Variants in BFAR observed in about 807,000 individuals in gnomAD.
The protein encoded by BFAR is RING finger protein 47.
A neutral mutation model predicts 54.4 loss-of-function variants in BFAR; 52 were observed. The ratio of observed to expected loss-of-function variants is 0.96; its 90% CI spans 0.77 to 1.21. The LOEUF is 1.21. Among genes scored for constraint, BFAR ranks in the 50% most tolerant of loss-of-function variants. The pLI is 0.00. For missense variants in BFAR, 571 were observed against 534.0 expected (o/e 1.07, Z -0.68); for synonymous variants, 215 against 204.3 (o/e 1.05, Z -0.45).
intron 4 of BFAR, among the ~76,000 whole-genome samples, chr16:14,653,416 C>T (rs1358508558): frequency 1.3e-5 from 2 of 152,134 alleles, no homozygotes; most frequent in Non-Finnish European, 2.9e-5. Flanking sequence ...CAACCTTCAC[C>T]TCCTGGGTTC....
chr16:14,647,155 G>A (rs1358098817), intron 2 of BFAR, among the ~76,000 whole-genome samples: 3 of 151,904 alleles, frequency 2.0e-5, no homozygotes, highest in Non-Finnish European at 2.9e-5. Flanking sequence ...TGCGATCTCA[G>A]CTCACTGCAA....
chr16:14,635,199 G>C (rs1004230382), intron 1 of BFAR, among the ~76,000 whole-genome samples: 2 of 152,184 alleles, frequency 1.3e-5, no homozygotes, highest in African/African-American at 4.8e-5. Context: ...GCTGGGCATG[G>C]TGGTGGACGC....
intron 6 of BFAR, among the ~76,000 whole-genome samples, chr16:14,662,403 A>G (rs1455420466): frequency 1.3e-5 from 2 of 152,180 alleles, no homozygotes; most frequent in Non-Finnish European, 2.9e-5. Flanking sequence ...TCAGCCTTGA[A>G]TATAGTCTGA....
intron 3 of BFAR, among the ~76,000 whole-genome samples, chr16:14,648,895 C>G (rs1484637709): frequency 6.6e-6 from 1 of 151,912 alleles, no homozygotes; most frequent in African/African-American, 2.4e-5. Context: ...GACTCTTGCT[C>G]TGTCGCCCAG....
At position 14,668,002 on chromosome 16, in the gene BFAR, G is replaced by A. The variant is rs1043075326; in HGVS notation, c.*175G>A. 1.1e-5 allele frequency: 7 copies of A among 653,810 alleles called. No individual in the cohort carries two copies. Among genetic ancestry groups the A allele is most frequent in the African/African-American group, 3.6e-5 (2 of 54,880 alleles). 40.5% of individuals were successfully genotyped at this position (653,810 alleles called of 1,614,324 possible). A position where few individuals can be genotyped will look rare whatever the true frequency, so the allele number is the denominator to read the frequency against. Reference sequence around the variant, plus strand: ...CTCCCCCTCAGCCTGTGGGTGGCACGAGCAAGGACTGACATCCGCACAGGG... The same window carrying A: ...CTCCCCCTCAGCCTGTGGGTGGCACAAGCAAGGACTGACATCCGCACAGGG... On this transcript the variant is annotated 3_prime_UTR_variant, in exon 8 of 8. Coordinates refer to ENST00000261658, the MANE Select transcript of BFAR (RefSeq NM_016561.3).
chr16:14,640,769 A>G (rs959617028), intron 1 of BFAR, among the ~76,000 whole-genome samples: 1 of 152,190 alleles, frequency 6.6e-6, no homozygotes, highest in Non-Finnish European at 1.5e-5. Flanking sequence ...ATCCCAGTAG[A>G]TCAGCAGTAG....
intron 7 of BFAR, among the ~76,000 whole-genome samples, chr16:14,666,911 T>C (rs1232342347): frequency 6.6e-6 from 1 of 152,116 alleles, no homozygotes; most frequent in Non-Finnish European, 1.5e-5. Flanking sequence ...AAAGAAAATA[T>C]GTACGTTAAA....
Position 14,664,962 on chromosome 16 carries a change from T to C in BFAR, c.1051T>C (p.Trp351Arg), listed in dbSNP as rs754974880. ...YQLIAEFAWD[W>R]LEVHYWTSRF... ...GCTGATTGCTGAGTTTGCTTGGGAC[T>C]GGTTGGAGGTCCATTACTGGACATC... is the stretch of plus-strand genomic sequence containing the variant. Residue 351 changes from tryptophan (W) to arginine (R), a missense_variant, in exon 7 of 8, where the codon TGG becomes CGG. Coordinates refer to ENST00000261658, the MANE Select transcript of BFAR (RefSeq NM_016561.3). 6.2e-7 allele frequency: 1 copy of C among 1,613,844 alleles called. No individual in the cohort carries two copies. The highest frequency in any genetic ancestry group is 2.2e-5 in the East Asian group (1 of 44,888).
At chr16:14,659,577 G>A (rs1457902048) in intron 5 of BFAR, among the ~76,000 whole-genome samples, 1 of 141,412 alleles carries the variant, frequency 7.1e-6, no homozygotes, top group African/African-American at 2.7e-5. Flanking sequence ...TTGAGATGGA[G>A]TCTCACTCTG....
At chr16:14,662,127 T>C (rs562286271) in intron 6 of BFAR, 62 bp downstream of exon 6, 10 of 1,576,246 alleles carry the variant, frequency 6.3e-6, no homozygotes, top group Non-Finnish European at 8.7e-6. Context: ...CAGAGATTGC[T>C]ACCCACCATG....
intron 2 of BFAR, among the ~76,000 whole-genome samples, chr16:14,646,447 C>T (rs2151838120): frequency 6.6e-6 from 1 of 152,288 alleles, no homozygotes; most frequent in Admixed American, 6.5e-5. Flanking sequence ...CTTGGCCTCC[C>T]AAAGTGCTGG....
intron 4 of BFAR, among the ~76,000 whole-genome samples, chr16:14,652,599 T>A (rs965168218): frequency 6.6e-6 from 1 of 152,018 alleles, no homozygotes; most frequent in Non-Finnish European, 1.5e-5. Context: ...TTTTTATTTT[T>A]AAAAAAATAA....
chr16:14,641,730 G>A (rs937390566), intron 1 of BFAR, among the ~76,000 whole-genome samples: 2 of 151,888 alleles, frequency 1.3e-5, no homozygotes, highest in African/African-American at 4.8e-5. Context: ...ATGTGGTGGT[G>A]CCTGCCTGTA....
chr16:14,644,307 G>A lies in BFAR; in HGVS notation c.-40G>A. 6.3e-7 allele frequency: 1 copy of A among 1,577,776 alleles called. No homozygotes were observed. Among genetic ancestry groups the A allele is most frequent in the South Asian group, 1.2e-5 (1 of 86,744 alleles). Reference sequence around the variant, plus strand: ...TGTTTTGCAGCAGTTTTCTACGTCTGAAATTTTTTATGTCTCTGGAACCCA... The same window carrying A: ...TGTTTTGCAGCAGTTTTCTACGTCTAAAATTTTTTATGTCTCTGGAACCCA... On this transcript the variant is annotated 5_prime_UTR_variant, in exon 2 of 8. Coordinates refer to ENST00000261658, the MANE Select transcript of BFAR (RefSeq NM_016561.3).
chr16:14,646,101 G>T (rs1019088149), intron 2 of BFAR, among the ~76,000 whole-genome samples: 1 of 152,102 alleles, frequency 6.6e-6, no homozygotes, highest in African/African-American at 2.4e-5. Context: ...TCCTAGGCTG[G>T]AGTGCAATGG....
chr16:14,666,578 C>A (rs954278273), intron 7 of BFAR, among the ~76,000 whole-genome samples: 3 of 151,842 alleles, frequency 2.0e-5, no homozygotes, highest in African/African-American at 7.3e-5. Context: ...TCTCAAAAAA[C>A]CCCCAAAAAC....
chr16:14,647,433 T>C (rs1014883459), intron 2 of BFAR, among the ~76,000 whole-genome samples: 2 of 152,004 alleles, frequency 1.3e-5, no homozygotes, highest in Non-Finnish European at 2.9e-5. Context: ...CGGTGGCTCA[T>C]GCCTGTAATC....
At chr16:14,638,666 C>T (rs1959528311) in intron 1 of BFAR, among the ~76,000 whole-genome samples, 1 of 152,220 alleles carries the variant, frequency 6.6e-6, no homozygotes, top group Non-Finnish European at 1.5e-5. Flanking sequence ...AATTCTTAGC[C>T]TGGGTGCAGT....
At chr16:14,644,687 A>G in intron 2 of BFAR, 78 bp downstream of exon 2, 2 of 1,230,212 alleles carry the variant, frequency 1.6e-6, no homozygotes, top group East Asian at 2.4e-5. Flanking sequence ...TTTTTTTTTT[A>G]ACAGAGATGG....
Sources: allele counts gnomAD v4.1 joint callset (sites outside exome capture counted in the v4.1 genomes callset), GRCh38; gene constraint gnomAD v4.1.1; transcripts MANE v1.5; gene names NCBI Gene and HGNC (gene_info 2026-07-23, HGNC 2026-07-21).